Variants in NELL1 observed in about 807,000 individuals in gnomAD.
NELL1 encodes neural EGFL like 1.
In NELL1, 76 loss-of-function variants were observed where a neutral mutation model predicts 107.4. That is an observed-to-expected ratio of 0.71 (90% CI 0.59 to 0.86). The LOEUF (loss-of-function observed/expected upper bound fraction) is 0.86, where lower values mean the gene tolerates loss of function less well. Ranked by LOEUF, NELL1 falls within the 40% of genes least tolerant of loss-of-function variation. The pLI is 0.00. For synonymous variants in NELL1, 353 were observed against 341.2 expected, an observed-to-expected ratio of 1.03 and a Z score of -0.38; for missense variants, 1,024 against 1,005.5, an observed-to-expected ratio of 1.02 and a Z score of -0.25.
intron 12 of NELL1, among the ~76,000 whole-genome samples, chr11:21,015,021 G>A (rs1852532911): frequency 6.6e-6 from 1 of 151,992 alleles, no homozygotes; most frequent in South Asian, 2.1e-4. Flanking sequence ...TCACTGACTT[G>A]AACTTTGTTC....
intron 12 of NELL1, among the ~76,000 whole-genome samples, chr11:20,977,242 A>G (rs10500884): frequency 0.16 from 24,801 of 151,010 alleles, 2,343 homozygotes; most frequent in Middle Eastern, 0.28. Context: ...TGACATGTCC[A>G]AGATTCAGGC....
intron 12 of NELL1, among the ~76,000 whole-genome samples, chr11:21,093,862 C>A (rs780001041): frequency 3.3e-5 from 5 of 152,104 alleles, no homozygotes; most frequent in Admixed American, 1.3e-4. Context: ...CATGGGAATT[C>A]GAGATGAGAT....
In NELL1 at chr11:20,687,195, A is replaced by G. The variant is rs1451499006; in HGVS notation, c.184+9135A>G. ...CGTAATTTTAATAATTCTTTTAGTG[A>G]GATTTTTTCTTATTATTTAATTTTT... On this transcript the variant is annotated intron_variant, in intron 2 of 19. Transcript: ENST00000357134. Among the ~76,000 whole-genome samples the G allele has an allele frequency of 2.0e-5, 3 of 151,562 alleles. No homozygotes were observed. In the South Asian group the frequency reaches 6.2e-4, roughly 32 times the overall value.
intron 14 of NELL1, among the ~76,000 whole-genome samples, chr11:21,341,581 G>A (rs889883295): frequency 1.3e-5 from 2 of 152,168 alleles, no homozygotes; most frequent in Non-Finnish European, 2.9e-5. Flanking sequence ...ATACTGGAGG[G>A]TAAAGAAGGA....
At chr11:21,088,605 T>C (rs924357286) in intron 12 of NELL1, among the ~76,000 whole-genome samples, 5 of 152,350 alleles carry the variant, frequency 3.3e-5, no homozygotes, top group African/African-American at 1.2e-4. Context: ...CATCTTATAC[T>C]GCATGTAATC....
At chr11:21,540,791 A>T (rs1195843199) in intron 16 of NELL1, among the ~76,000 whole-genome samples, 1 of 152,084 alleles carries the variant, frequency 6.6e-6, no homozygotes, top group Non-Finnish European at 1.5e-5. Flanking sequence ...CCAACACTGG[A>T]GATTACAATT....
chr11:21,177,143 T>C lies in NELL1; in HGVS notation c.1427-52189T>C, dbSNP rs78532004. ...AGAAAATCTACTATTTTGAGGAATT[T>C]AGAAATACACATTATTATGAACTAT... On this transcript the variant is annotated intron_variant, in intron 13 of 19. Transcript: ENST00000357134. Among the ~76,000 whole-genome samples, 950 of 151,934 alleles carry C rather than the reference T, an allele frequency of 6.3e-3. 30 individuals carry two copies. The highest frequency in any genetic ancestry group is 0.022 in the African/African-American group (912 of 41,236).
intron 12 of NELL1, among the ~76,000 whole-genome samples, chr11:21,002,764 T>C (rs150788489): frequency 5.5e-4 from 84 of 152,320 alleles, no homozygotes; most frequent in African/African-American, 2.0e-3. Flanking sequence ...TGAGGCACAG[T>C]GTCCTTAAAC....
At chr11:21,430,092 A>G (rs1438736902) in intron 15 of NELL1, among the ~76,000 whole-genome samples, 1 of 152,164 alleles carries the variant, frequency 6.6e-6, no homozygotes, top group Non-Finnish European at 1.5e-5. Flanking sequence ...TTAGCAGCAA[A>G]TAATGTGAAT....
Position 21,479,855 on chromosome 11 carries a change from A to G in NELL1, c.1646-54519A>G, listed in dbSNP as rs538659313. ...AAAAATTAAAACTTTACAAAGTGATAAACTTCAAATTCTCCTTCCGGTTTT... is the reference window on the plus strand; with the variant it reads ...AAAAATTAAAACTTTACAAAGTGATGAACTTCAAATTCTCCTTCCGGTTTT... On this transcript the variant is annotated intron_variant, in intron 15 of 19. Transcript: ENST00000357134. 1.4e-4 allele frequency among the ~76,000 whole-genome samples: 21 copies of G among 152,196 alleles called. No homozygotes were observed. The South Asian group carries it at 3.9e-3, about 29-fold the overall frequency.
At chr11:20,797,325 G>A (rs1226465260) in intron 3 of NELL1, among the ~76,000 whole-genome samples, 1 of 152,060 alleles carries the variant, frequency 6.6e-6, no homozygotes, top group African/African-American at 2.4e-5. Context: ...AGCACTTTGG[G>A]AGGCTGAGGC....
chr11:20,826,200 A>G (rs1249916516), intron 3 of NELL1, among the ~76,000 whole-genome samples: 2 of 151,230 alleles, frequency 1.3e-5, no homozygotes, highest in East Asian at 3.9e-4. Flanking sequence ...TATTAGCAGC[A>G]TGAGAATGGA....
intron 15 of NELL1, among the ~76,000 whole-genome samples, chr11:21,514,630 A>G (rs957230691): frequency 6.7e-6 from 1 of 149,122 alleles, no homozygotes; most frequent in African/African-American, 2.5e-5. Flanking sequence ...TAATGTTGGC[A>G]TCTGATTCAA....
intron 13 of NELL1, among the ~76,000 whole-genome samples, chr11:21,141,455 G>C (rs190490203): frequency 8.5e-5 from 13 of 152,280 alleles, no homozygotes; most frequent in Admixed American, 8.5e-4. Context: ...GGGTGAGCCA[G>C]TTAACCTCTG....
At chr11:21,402,539 C>G (rs1852122727) in intron 15 of NELL1, among the ~76,000 whole-genome samples, 2 of 151,662 alleles carry the variant, frequency 1.3e-5, no homozygotes, top group South Asian at 4.1e-4. Flanking sequence ...ACTCCATAAC[C>G]AGATTGCCAA....
At chr11:21,395,570 A>G (rs1242674444) in intron 15 of NELL1, among the ~76,000 whole-genome samples, 1 of 151,522 alleles carries the variant, frequency 6.6e-6, no homozygotes. Context: ...TCCAAGGCTC[A>G]CTTCACCCAC....
chr11:20,856,302 G>A (rs573248929), intron 4 of NELL1, among the ~76,000 whole-genome samples: 2 of 152,292 alleles, frequency 1.3e-5, no homozygotes, highest in East Asian at 3.9e-4. Flanking sequence ...ACCCACACCT[G>A]AGGGTTTTCA....
At chr11:21,075,169 A>C (rs1263946315) in intron 12 of NELL1, among the ~76,000 whole-genome samples, 1 of 152,194 alleles carries the variant, frequency 6.6e-6, no homozygotes, top group Non-Finnish European at 1.5e-5. Flanking sequence ...CAAATTCAGC[A>C]GGAGCAACAA....
At chr11:21,336,696 A>G (rs2133694661) in intron 14 of NELL1, among the ~76,000 whole-genome samples, 1 of 72,138 alleles carries the variant, frequency 1.4e-5, no homozygotes, top group African/African-American at 4.9e-5. Context: ...CACACATTAA[A>G]CAGAAATCAG....
Sources: allele counts gnomAD v4.1 joint callset (sites outside exome capture counted in the v4.1 genomes callset), GRCh38; gene constraint gnomAD v4.1.1; transcripts MANE v1.5; gene names NCBI Gene and HGNC (gene_info 2026-07-23, HGNC 2026-07-21).